USP32: variants seen among roughly 807,000 people sequenced by gnomAD.
USP32 encodes the protein ubiquitin carboxyl-terminal hydrolase 32.
Under a neutral mutation model 204.8 loss-of-function variants are expected in USP32, and 59 were observed. That is an observed-to-expected ratio of 0.29 (90% CI 0.23 to 0.36). The LOEUF is 0.36. Among genes scored for constraint, USP32 ranks in the 10% least tolerant of loss-of-function variants. The pLI is 1.00. For missense variants in USP32, 1,160 were observed against 1,946.4 expected (o/e 0.60, Z 7.60); for synonymous variants, 517 against 678.4 (o/e 0.76, Z 3.70).
intron 27 of USP32, 92 bp downstream of exon 27, chr17:60,198,168 A>C (rs1462169644): frequency 6.7e-7 from 1 of 1,492,936 alleles, no homozygotes. Context: ...TTAACTTGAC[A>C]TAGGCTGGGT....
chr17:60,349,599 ATATATATAT>A (rs2088882354), intron 1 of USP32, among the ~76,000 whole-genome samples: 1 of 42,812 alleles, frequency 2.3e-5, no homozygotes, highest in Non-Finnish European at 3.7e-5. Context: ...AAAAAAAAAT[ATATATATAT>A]ATATATATAT....
rs775234292 is a variant in USP32 at position 60,345,522 on chromosome 17, G to A, written c.145C>T (p.Arg49Trp). Residue 49 changes from arginine (R) to tryptophan (W), a missense_variant, in exon 2 of 34, where the codon CGG becomes TGG. By Grantham distance (101) the Arg-to-Trp change is moderately radical. Around this residue, in one of 8 missense-constraint regions of USP32, gnomAD observed 536 missense variants for 680.9 expected, o/e 0.79. Transcript: ENST00000300896. Reference sequence around the variant, plus strand: ...GGCACTCCATCCCCAAGCACTTCCCGGATGAAGCAGTGCTGGCCCATGTAA... The same window carrying A: ...GGCACTCCATCCCCAAGCACTTCCCAGATGAAGCAGTGCTGGCCCATGTAA... ...SYYMGQHCFI[R>W]EVLGDGVPPK... 29 of 1,614,062 alleles carry A rather than the reference G, an allele frequency of 1.8e-5. No individual in the cohort carries two copies. The highest frequency in any genetic ancestry group is 2.1e-5 in the Non-Finnish European group (25 of 1,180,026).
chr17:60,217,456 G>A (rs1043743764), intron 16 of USP32, among the ~76,000 whole-genome samples: 19 of 152,000 alleles, frequency 1.3e-4, no homozygotes, highest in East Asian at 7.7e-4. Flanking sequence ...CACCACACAT[G>A]GCTAATTTTT....
At chr17:60,336,919 C>T (rs1194489682) in intron 2 of USP32, among the ~76,000 whole-genome samples, 1 of 151,902 alleles carries the variant, frequency 6.6e-6, no homozygotes, top group Non-Finnish European at 1.5e-5. Flanking sequence ...CAAGATATAC[C>T]GTAACAAAAA....
Position 60,392,027 on chromosome 17 carries a change from T to C in USP32, c.-88A>G, listed in dbSNP as rs570034076. Reference sequence around the variant, plus strand: ...TCTCCTCGGCGTCCCTGGGTGACGGTGACGGTGTCGGCGTCCCCCGCCCCC... The same window carrying C: ...TCTCCTCGGCGTCCCTGGGTGACGGCGACGGTGTCGGCGTCCCCCGCCCCC... On this transcript the variant is annotated 5_prime_UTR_variant, in exon 1 of 34. Transcript: ENST00000300896. 809 of 1,400,000 alleles carry C rather than the reference T, an allele frequency of 5.8e-4. 1 individual carries two copies. The highest frequency in any genetic ancestry group is 7.3e-4 in the Non-Finnish European group (758 of 1,041,066). The allele number at this position is 1,400,000 out of a possible 1,614,324, so 86.7% of individuals were successfully genotyped here. A position where few individuals can be genotyped will look rare whatever the true frequency, so the allele number is the denominator to read the frequency against.
intron 11 of USP32, among the ~76,000 whole-genome samples, chr17:60,243,400 T>C (rs1020485938): frequency 6.6e-6 from 1 of 152,204 alleles, no homozygotes; most frequent in African/African-American, 2.4e-5. Flanking sequence ...ACAATGTTGA[T>C]AAGTGCGGCA....
In USP32 at chr17:60,266,844, C is replaced by T. The variant is rs377278378; in HGVS notation, c.812-753G>A. Among the ~76,000 whole-genome samples, 10 of 151,870 alleles carry T rather than the reference C, an allele frequency of 6.6e-5. No individual in the cohort carries two copies. In the East Asian group the frequency reaches 1.6e-3, roughly 24 times the overall value. ...TAAGTTTTTGTATTTTTAGTAGAGACGGGGTTTCACTGTGTTAGCCAGGAT... is the reference window on the plus strand; with the variant it reads ...TAAGTTTTTGTATTTTTAGTAGAGATGGGGTTTCACTGTGTTAGCCAGGAT... On this transcript the variant is annotated intron_variant, in intron 7 of 33. Coordinates refer to ENST00000300896, the MANE Select transcript of USP32 (RefSeq NM_032582.4).
chr17:60,351,571 G>A (rs1177855934), intron 1 of USP32, among the ~76,000 whole-genome samples: 1 of 151,912 alleles, frequency 6.6e-6, no homozygotes, highest in Non-Finnish European at 1.5e-5. Flanking sequence ...GGGAGTACAG[G>A]CACGCACCAC....
intron 5 of USP32, among the ~76,000 whole-genome samples, chr17:60,274,999 C>G (rs2086806537): frequency 6.6e-6 from 1 of 152,146 alleles, no homozygotes; most frequent in Admixed American, 6.5e-5. Flanking sequence ...CTTATCAACT[C>G]TAATATAAAA....
Position 60,193,482 on chromosome 17 carries a change from C to A in USP32, c.3435-552G>T, listed in dbSNP as rs192870501. 2.2e-3 allele frequency among the ~76,000 whole-genome samples: 331 copies of A among 152,210 alleles called. 4 individuals are homozygous for A. The highest frequency in any genetic ancestry group is 7.5e-3 in the African/African-American group (312 of 41,514). The stretch of plus-strand genomic sequence containing the variant: ...ATGTCAAGATGGCCCTGTGAATTTT[C>A]CAACTTTTAAAAAAATTTACTCATC... On this transcript the variant is annotated intron_variant, in intron 27 of 33. Coordinates refer to ENST00000300896, the MANE Select transcript of USP32 (RefSeq NM_032582.4).
chr17:60,402,777 G>A (rs115680583), intron 1 of USP32, among the ~76,000 whole-genome samples: 184 of 152,280 alleles, frequency 1.2e-3, no homozygotes, highest in African/African-American at 3.4e-3. Flanking sequence ...TAATCTGTAC[G>A]CCATTTAGTG....
At chr17:60,374,252 T>C (rs2089498810) in intron 1 of USP32, among the ~76,000 whole-genome samples, 1 of 151,974 alleles carries the variant, frequency 6.6e-6, no homozygotes, top group South Asian at 2.1e-4. Context: ...AGATCATCAA[T>C]ATCACTGTCT....
At chr17:60,331,612 T>C (rs1454001936) in intron 2 of USP32, among the ~76,000 whole-genome samples, 1 of 135,072 alleles carries the variant, frequency 7.4e-6, no homozygotes, top group African/African-American at 2.8e-5. Context: ...TGCACACATT[T>C]AAAGTATACA....
At chr17:60,391,620 C>A (rs746732937) in intron 1 of USP32, among the ~76,000 whole-genome samples, 1 of 152,174 alleles carries the variant, frequency 6.6e-6, no homozygotes, top group Non-Finnish European at 1.5e-5. Flanking sequence ...AGGATCACAA[C>A]GCCACCAGCG....
rs1388819370 is a variant in USP32 at position 60,214,613 on chromosome 17, C to T, written c.2022+7G>A. The T allele has an allele frequency of 1.2e-6, 2 of 1,612,410 alleles. No individual in the cohort carries two copies. Among genetic ancestry groups the T allele is most frequent in the East Asian group, 4.5e-5 (2 of 44,848 alleles). ...CAGACTCTCTATGACTCTGAGATGCCTCTTACCTCACTGTTGTATAGCCAC... is the reference window on the plus strand; with the variant it reads ...CAGACTCTCTATGACTCTGAGATGCTTCTTACCTCACTGTTGTATAGCCAC... On this transcript the variant is annotated splice_region_variant and intron_variant, in intron 17 of 33. Coordinates refer to ENST00000300896, the MANE Select transcript of USP32 (RefSeq NM_032582.4).
intron 2 of USP32, among the ~76,000 whole-genome samples, chr17:60,341,624 T>C (rs2088660344): frequency 1.3e-5 from 2 of 152,322 alleles, no homozygotes; most frequent in South Asian, 4.1e-4. Flanking sequence ...TTCTCTAACC[T>C]TGTCTTCTTG....
At chr17:60,222,658 A>T in intron 14 of USP32, 109 bp from the exon 15 acceptor site, 12 of 923,616 alleles carry the variant, frequency 1.3e-5, no homozygotes, top group South Asian at 6.5e-5. Context: ...ACCCAGTTTC[A>T]TGTTGCTGGA....
At chr17:60,194,718 A>C (rs576167501) in intron 27 of USP32, among the ~76,000 whole-genome samples, 22 of 152,208 alleles carry the variant, frequency 1.4e-4, no homozygotes, top group Non-Finnish European at 2.9e-4. Context: ...TTGTGAATAC[A>C]AACTTTTCTA....
At chr17:60,241,544 A>G (rs929520260) in intron 11 of USP32, among the ~76,000 whole-genome samples, 1 of 151,578 alleles carries the variant, frequency 6.6e-6, no homozygotes. Context: ...TTATTTTTCA[A>G]TGTTTCTGTG....
Sources: allele counts gnomAD v4.1 joint callset (sites outside exome capture counted in the v4.1 genomes callset), GRCh38; gene constraint gnomAD v4.1.1; regional missense constraint gnomAD v4.1.1; transcripts MANE v1.5; gene names NCBI Gene and HGNC (gene_info 2026-07-23, HGNC 2026-07-21).